The following SH3RF3 variants were observed in gnomAD, a reference collection of about 807,000 sequenced individuals.
SH3RF3 encodes the protein E3 ubiquitin-protein ligase SH3RF3.
SH3RF3 carries 29 observed loss-of-function variants against 66.3 expected under a neutral mutation model. The observed-to-expected ratio is 0.44, with a 90% confidence interval of 0.33 to 0.60. SH3RF3 has a LOEUF of 0.60. Among genes scored for constraint, SH3RF3 ranks in the 20% least tolerant of loss-of-function variants. The pLI is 0.04. For missense variants in SH3RF3, 1,194 were observed against 1,190.9 expected (o/e 1.00, Z -0.04); for synonymous variants, 583 against 532.0 (o/e 1.10, Z -1.32).
intron 3 of SH3RF3, among the ~76,000 whole-genome samples, chr2:109,395,279 G>A (rs1448764778): frequency 3.9e-5 from 6 of 152,162 alleles, no homozygotes; most frequent in African/African-American, 1.2e-4. Context: ...GAGGCCCTTC[G>A]GGTTAGTCCA....
At chr2:109,239,524 T>C in intron 1 of SH3RF3, among the ~76,000 whole-genome samples, 1 of 152,166 alleles carries the variant, frequency 6.6e-6, no homozygotes, top group East Asian at 1.9e-4. Context: ...TTTGGCCCCA[T>C]ATTTGACTCT....
intron 3 of SH3RF3, among the ~76,000 whole-genome samples, chr2:109,396,128 A>G (rs913180265): frequency 5.9e-5 from 9 of 152,144 alleles, no homozygotes; most frequent in African/African-American, 1.4e-4. Context: ...GTCTTCCTCT[A>G]TACCCTGTCA....
In SH3RF3 at chr2:109,180,640, A is replaced by G. The variant is rs117955057; in HGVS notation, c.573+50527A>G. Among the ~76,000 whole-genome samples, 1,222 of 152,280 alleles carry G rather than the reference A, an allele frequency of 8.0e-3. 11 individuals are homozygous for G. The highest frequency in any genetic ancestry group is 0.04 in the East Asian group (205 of 5,178). On this transcript the variant is annotated intron_variant, in intron 1 of 9. Transcript: ENST00000309415. ...GAGATCTGATGATTTTATAAGGAGA[A>G]ACCCTTTTTGCTTGGCTCTCTTTGT...
chr2:109,195,347 G>A (rs1481741792), intron 1 of SH3RF3, among the ~76,000 whole-genome samples: 1 of 152,178 alleles, frequency 6.6e-6, no homozygotes, highest in Non-Finnish European at 1.5e-5. Flanking sequence ...CCAGGACAAG[G>A]GGCAAGTGAG....
At chr2:109,370,211 C>CTCTGTT in intron 2 of SH3RF3, among the ~76,000 whole-genome samples, 1 of 149,426 alleles carries the variant, frequency 6.7e-6, no homozygotes, top group East Asian at 1.9e-4. Context: ...CTGTCTCTGT[C>CTCTGTT]TCTGTCTCTG....
intron 1 of SH3RF3, among the ~76,000 whole-genome samples, chr2:109,165,054 G>C (rs1048696959): frequency 1.3e-5 from 2 of 152,194 alleles, no homozygotes; most frequent in African/African-American, 4.8e-5. Context: ...TTCCATCTCT[G>C]TTGGCAGTGG....
chr2:109,316,914 C>T (rs573241411), intron 1 of SH3RF3, among the ~76,000 whole-genome samples: 14 of 152,204 alleles, frequency 9.2e-5, no homozygotes, highest in Non-Finnish European at 1.6e-4. Context: ...GTAGCCTTTT[C>T]AGACTGGCTT....
chr2:109,472,439 C>A (rs1678545761), intron 8 of SH3RF3, among the ~76,000 whole-genome samples: 1 of 152,144 alleles, frequency 6.6e-6, no homozygotes, highest in Non-Finnish European at 1.5e-5. Flanking sequence ...GCTTGCGGGG[C>A]TTCCCGACGG....
intron 2 of SH3RF3, among the ~76,000 whole-genome samples, chr2:109,365,285 A>G (rs1683133582): frequency 6.6e-6 from 1 of 152,168 alleles, no homozygotes. Context: ...CCCCCCAGTG[A>G]CTGGGCCCCT....
intron 1 of SH3RF3, among the ~76,000 whole-genome samples, chr2:109,220,977 A>G (rs1387784750): frequency 6.6e-6 from 1 of 152,260 alleles, no homozygotes; most frequent in Non-Finnish European, 1.5e-5. Context: ...ACCAATGTTC[A>G]TAATTGCATT....
chr2:109,455,446 G>T (rs1309373793), intron 8 of SH3RF3, among the ~76,000 whole-genome samples: 1 of 152,222 alleles, frequency 6.6e-6, no homozygotes, highest in Admixed American at 6.5e-5. Flanking sequence ...CAGCAGCAAG[G>T]CCTGGTCTGG....
intron 4 of SH3RF3, among the ~76,000 whole-genome samples, chr2:109,400,030 C>A (rs978974597): frequency 2.6e-5 from 4 of 152,234 alleles, no homozygotes; most frequent in African/African-American, 9.6e-5. Flanking sequence ...GGGCGCTGAT[C>A]TGCGGGGAAT....
chr2:109,209,757 G>C (rs553474293), intron 1 of SH3RF3, among the ~76,000 whole-genome samples: 2 of 152,236 alleles, frequency 1.3e-5, no homozygotes, highest in South Asian at 2.1e-4. Context: ...GAGAGTAAAT[G>C]GTTTGTTCAC....
At chr2:109,340,769 C>T (rs1682539919) in intron 1 of SH3RF3, among the ~76,000 whole-genome samples, 1 of 152,144 alleles carries the variant, frequency 6.6e-6, no homozygotes, top group African/African-American at 2.4e-5. Flanking sequence ...ATTTGATTAT[C>T]TCTGCTTTAT....
chr2:109,399,957 C>T (rs1035470222), intron 4 of SH3RF3, among the ~76,000 whole-genome samples: 10 of 152,240 alleles, frequency 6.6e-5, no homozygotes, highest in Admixed American at 3.3e-4. Context: ...GCGGCCCACC[C>T]GCCACCACGC....
At chr2:109,279,961 C>T (rs1680845000) in intron 1 of SH3RF3, among the ~76,000 whole-genome samples, 1 of 151,974 alleles carries the variant, frequency 6.6e-6, no homozygotes, top group Admixed American at 6.6e-5. Context: ...TGAGAGGGCC[C>T]CAAAAACACA....
chr2:109,337,950 TG>T (rs1682463436), intron 1 of SH3RF3, among the ~76,000 whole-genome samples: 1 of 152,134 alleles, frequency 6.6e-6, no homozygotes, highest in African/African-American at 2.4e-5. Context: ...CCGGCTGGTC[TG>T]GAACTCCTGA....
At chr2:109,377,331 G>A (rs1485419594) in intron 3 of SH3RF3, among the ~76,000 whole-genome samples, 3 of 152,202 alleles carry the variant, frequency 2.0e-5, no homozygotes, top group Non-Finnish European at 4.4e-5. Flanking sequence ...GATGAGAGGT[G>A]GAGGTGGGGC....
chr2:109,187,062 G>C (rs1305655920), intron 1 of SH3RF3, among the ~76,000 whole-genome samples: 1 of 149,760 alleles, frequency 6.7e-6, no homozygotes, highest in Non-Finnish European at 1.5e-5. Context: ...ACCTGTCACG[G>C]ATCATTTAAG....
Sources: allele counts gnomAD v4.1 joint callset (sites outside exome capture counted in the v4.1 genomes callset), GRCh38; gene constraint gnomAD v4.1.1; transcripts MANE v1.5; gene names NCBI Gene and HGNC (gene_info 2026-07-23, HGNC 2026-07-21).